Variants in APLP2 observed in about 807,000 individuals in gnomAD.
APLP2 encodes amyloid beta precursor like protein 2.
In APLP2, 53 loss-of-function variants were observed where a neutral mutation model predicts 89.9. The ratio of observed to expected loss-of-function variants is 0.59; its 90% CI spans 0.47 to 0.74. The LOEUF is 0.74. Ranked by LOEUF, APLP2 falls within the 30% of genes least tolerant of loss-of-function variation. The pLI is 0.00. For synonymous variants in APLP2, 372 were observed against 348.6 expected (o/e 1.07, Z -0.75); for missense variants, 973 against 975.9 (o/e 1.00, Z 0.04).
intron 2 of APLP2, among the ~76,000 whole-genome samples, chr11:130,110,153 C>A (rs1249677394): frequency 6.6e-6 from 1 of 152,168 alleles, no homozygotes; most frequent in East Asian, 1.9e-4. Flanking sequence ...GCAGACAGGG[C>A]CAGGGTCAAG....
intron 3 of APLP2, among the ~76,000 whole-genome samples, chr11:130,113,497 C>T (rs944485707): frequency 6.6e-6 from 1 of 152,140 alleles, no homozygotes; most frequent in Non-Finnish European, 1.5e-5. Flanking sequence ...AGTAACCAGT[C>T]GGTAGAGCTA....
chr11:130,090,268 TAAATTTA>T (rs1565558625), intron 1 of APLP2, among the ~76,000 whole-genome samples: 2 of 126,220 alleles, frequency 1.6e-5, no homozygotes, highest in Admixed American at 7.5e-5. Context: ...TTTTTTTTTT[TAAATTTA>T]TTTTTTTATT....
chr11:130,108,436 C>T (rs2135776158), intron 1 of APLP2, among the ~76,000 whole-genome samples: 1 of 152,320 alleles, frequency 6.6e-6, no homozygotes, highest in East Asian at 1.9e-4. Context: ...ATTTATGCAG[C>T]CAACAGACAC....
At chr11:130,118,672 T>A (rs986949622) in intron 3 of APLP2, among the ~76,000 whole-genome samples, 1 of 152,218 alleles carries the variant, frequency 6.6e-6, no homozygotes, top group Non-Finnish European at 1.5e-5. Context: ...GGTTGTTCAT[T>A]CTCGTAGAGG....
At chr11:130,088,746 T>A (rs937882735) in intron 1 of APLP2, among the ~76,000 whole-genome samples, 9 of 152,072 alleles carry the variant, frequency 5.9e-5, no homozygotes, top group Non-Finnish European at 1.2e-4. Context: ...TCCTTTTTTT[T>A]CTTTTGATAT....
rs1947869975 is a variant in APLP2 at position 130,106,963 on chromosome 11, AG to A, written c.106-2464del. Among the ~76,000 whole-genome samples, 3 of 152,172 alleles carry A rather than the reference AG, an allele frequency of 2.0e-5. No homozygotes were observed. In the South Asian group the frequency reaches 6.2e-4, roughly 32 times the overall value. On this transcript the variant is annotated intron_variant, in intron 1 of 16. Coordinates refer to ENST00000338167, the MANE Select transcript of APLP2 (RefSeq NM_001142276.2). ...TGGCCTCCCAAAATGGTAGGATTACAGGTGTGAGCCACCGCGCCCGGCCCAG... is the reference window on the plus strand; with the variant it reads ...TGGCCTCCCAAAATGGTAGGATTACAGTGTGAGCCACCGCGCCCGGCCCAG...
intron 13 of APLP2, chr11:130,138,779 C>T (rs760437768): frequency 7.5e-6 from 1 of 133,304 alleles, no homozygotes; most frequent in South Asian, 2.4e-4. Context: ...TTTTTTTTAA[C>T]GTAGAGACAG....
intron 1 of APLP2, among the ~76,000 whole-genome samples, chr11:130,084,543 T>C (rs1308255243): frequency 6.6e-6 from 1 of 152,180 alleles, no homozygotes; most frequent in Non-Finnish European, 1.5e-5. Context: ...GCTGGCTTCA[T>C]GGGTGGAAAT....
chr11:130,092,572 G>A (rs796710832), intron 1 of APLP2, among the ~76,000 whole-genome samples: 143 of 140,314 alleles, frequency 1.0e-3, no homozygotes, highest in African/African-American at 1.5e-3. Context: ...CCAGTCAGGC[G>A]TGGCGGCGCG....
intron 13 of APLP2, among the ~76,000 whole-genome samples, chr11:130,136,913 C>T (rs1297322657): frequency 6.6e-6 from 1 of 152,148 alleles, no homozygotes; most frequent in Admixed American, 6.5e-5. Context: ...ATCTCCCTGT[C>T]AGCAAACCAC....
intron 4 of APLP2, 104 bp from the exon 5 acceptor site, chr11:130,121,510 C>A: frequency 7.4e-7 from 1 of 1,354,540 alleles, no homozygotes. Flanking sequence ...GAAAGCATTG[C>A]TAAGTGATTT....
At chr11:130,129,026 G>C (rs1360359734) in intron 9 of APLP2, 22 bp from the exon 10 acceptor site, 2 of 1,605,526 alleles carry the variant, frequency 1.2e-6, no homozygotes, top group South Asian at 2.2e-5. Flanking sequence ...AATCATGTGT[G>C]GTTCCTGCTT....
intron 1 of APLP2, among the ~76,000 whole-genome samples, chr11:130,092,388 T>C (rs2135558913): frequency 9.2e-6 from 1 of 108,816 alleles, no homozygotes; most frequent in African/African-American, 4.5e-5. Context: ...AGGTGTAGGT[T>C]GTAGTGAGCC....
chr11:130,130,039 C>T lies in APLP2; in HGVS notation c.1457C>T (p.Pro486Leu). The T allele has an allele frequency of 1.2e-6, 2 of 1,614,126 alleles. No individual in the cohort carries two copies. The highest frequency in any genetic ancestry group is 1.7e-6 in the Non-Finnish European group (2 of 1,179,964). Reference protein sequence around the residue: ...LAALQSDPPRPHRILQALRRY... With the variant: ...LAALQSDPPRLHRILQALRRY... ...TAAAACAACTGTTCTCTCTTGCAGC[C>T]TCATCGCATTCTCCAGGCCTTACGG... The change falls in exon 11 of 17, where the codon CCT (proline) becomes CTT (leucine). Residue 486 changes from proline (P) to leucine (L), a missense_variant and splice_region_variant. Transcript: ENST00000338167.
intron 1 of APLP2, among the ~76,000 whole-genome samples, chr11:130,083,023 T>C (rs571511965): frequency 2.2e-5 from 3 of 135,458 alleles, no homozygotes; most frequent in Admixed American, 2.1e-4. Flanking sequence ...AAACTTTTCT[T>C]TTCTTTTTTT....
At chr11:130,137,800 C>T (rs1387216643) in intron 13 of APLP2, among the ~76,000 whole-genome samples, 7 of 152,138 alleles carry the variant, frequency 4.6e-5, no homozygotes, top group Non-Finnish European at 8.8e-5. Context: ...CTCAGAACAT[C>T]GGAAGCCAAT....
intron 11 of APLP2, 143 bp downstream of exon 11, chr11:130,130,309 G>A: frequency 1.8e-6 from 2 of 1,123,032 alleles, no homozygotes; most frequent in Non-Finnish European, 2.5e-6. Context: ...AAGACATTCG[G>A]TACGTGAACT....
chr11:130,107,075 A>G (rs2135756806), intron 1 of APLP2, among the ~76,000 whole-genome samples: 1 of 152,240 alleles, frequency 6.6e-6, no homozygotes, highest in Non-Finnish European at 1.5e-5. Context: ...TGTGAGTTTT[A>G]ACTCTTGCAT....
intron 1 of APLP2, among the ~76,000 whole-genome samples, chr11:130,089,202 T>C (rs1444824385): frequency 6.6e-6 from 1 of 152,236 alleles, no homozygotes; most frequent in Admixed American, 6.5e-5. Context: ...TTCACACTGC[T>C]CCTGCCTTTG....
Sources: gnomAD v4.1 joint callset for allele counts (sites outside exome capture counted in the v4.1 genomes callset) on GRCh38, gnomAD v4.1.1 for gene constraint, MANE v1.5 for transcripts, NCBI Gene and HGNC (gene_info 2026-07-23, HGNC 2026-07-21) for gene names.